The following ATP5PB variants were observed in gnomAD, a reference collection of about 807,000 sequenced individuals.
The protein encoded by ATP5PB is ATP synthase peripheral stalk-membrane subunit b, also known as ATP synthase peripheral stalk subunit b, mitochondrial.
A neutral mutation model predicts 34.5 loss-of-function variants in ATP5PB; 21 were observed. The observed-to-expected ratio is 0.61, with a 90% CI of 0.43 to 0.88. The LOEUF (loss-of-function observed/expected upper bound fraction) is 0.88, where lower values mean the gene tolerates loss of function less well. Among genes scored for constraint, ATP5PB ranks in the 40% least tolerant of loss-of-function variants. ATP5PB has a pLI of 0.00. For synonymous variants in ATP5PB, 108 were observed against 114.1 expected (o/e 0.95, Z 0.34); for missense variants, 293 against 317.4 (o/e 0.92, Z 0.58).
chr1:111,459,362 A>T, intron 5 of ATP5PB, 95 bp from the exon 6 acceptor site: 2 of 1,213,602 alleles, frequency 1.6e-6, no homozygotes, highest in African/African-American at 1.5e-5. Context: ...CGTAAAATAC[A>T]AAAGAAGTGG....
rs1195433155 is a variant in ATP5PB, at chr1:111,459,638, T to C, written c.693+2T>C. 1.2e-6 allele frequency: 2 copies of C among 1,613,198 alleles called. No individual in the cohort carries two copies. Among genetic ancestry groups the C allele is most frequent in the Non-Finnish European group, 1.7e-6 (2 of 1,179,424 alleles). Reference sequence around the variant, plus strand: ...GTGCAAAGCATCTCCACACAGCAGGTACACAACATTTTTGTAGGTTCTGAT... The same window carrying C: ...GTGCAAAGCATCTCCACACAGCAGGCACACAACATTTTTGTAGGTTCTGAT... On this transcript the variant is annotated splice_donor_variant, in intron 6 of 6. Coordinates refer to ENST00000369722, the MANE Select transcript of ATP5PB (RefSeq NM_001688.5). LOFTEE classifies it high-confidence loss of function.
intron 5 of ATP5PB, among the ~76,000 whole-genome samples, chr1:111,457,841 A>G (rs141769756): frequency 1.3e-5 from 2 of 152,206 alleles, no homozygotes; most frequent in East Asian, 3.9e-4. Flanking sequence ...TTCCATGTAT[A>G]TTTAGGTTAC....
chr1:111,458,748 G>C (rs1023007945), intron 5 of ATP5PB, among the ~76,000 whole-genome samples: 6 of 152,134 alleles, frequency 3.9e-5, no homozygotes, highest in African/African-American at 1.4e-4. Context: ...CTATGGGTTA[G>C]CCAAGTAGAG....
chr1:111,455,124 C>G (rs1201686284), intron 3 of ATP5PB, among the ~76,000 whole-genome samples: 2 of 151,976 alleles, frequency 1.3e-5, no homozygotes, highest in Non-Finnish European at 2.9e-5. Context: ...CCAAGTATTG[C>G]TATGACTGGA....
At chr1:111,457,147 A>G (rs1653495323) in intron 5 of ATP5PB, among the ~76,000 whole-genome samples, 1 of 152,154 alleles carries the variant, frequency 6.6e-6, no homozygotes, top group Non-Finnish European at 1.5e-5. Flanking sequence ...GATACTGTAC[A>G]TTCTAAATCC....
intron 6 of ATP5PB, 135 bp from the exon 7 acceptor site, chr1:111,460,782 C>A: frequency 1.6e-6 from 1 of 611,630 alleles, no homozygotes; most frequent in Non-Finnish European, 2.9e-6. Flanking sequence ...TGTCTAGTAG[C>A]TGTATAGTGT....
intron 5 of ATP5PB, among the ~76,000 whole-genome samples, chr1:111,458,492 T>C (rs1325400821): frequency 6.6e-6 from 1 of 152,154 alleles, no homozygotes. Flanking sequence ...CAGTTGCAAA[T>C]GCCCTAAACC....
chr1:111,454,786 G>C (rs1240478206), intron 3 of ATP5PB, among the ~76,000 whole-genome samples: 1 of 152,132 alleles, frequency 6.6e-6, no homozygotes, highest in African/African-American at 2.4e-5. Flanking sequence ...CAATTGATTT[G>C]ATTGCTCCAA....
intron 3 of ATP5PB, among the ~76,000 whole-genome samples, chr1:111,455,367 T>C (rs570659533): frequency 8.5e-5 from 13 of 152,348 alleles, no homozygotes; most frequent in African/African-American, 3.1e-4. Context: ...TTTGAGTTTG[T>C]AACCCTGTTG....
At chr1:111,460,308 T>G (rs1423278906) in intron 6 of ATP5PB, among the ~76,000 whole-genome samples, 1 of 152,236 alleles carries the variant, frequency 6.6e-6, no homozygotes, top group Non-Finnish European at 1.5e-5. Context: ...GAATTAATTT[T>G]TTTTCATTTA....
intron 3 of ATP5PB, among the ~76,000 whole-genome samples, 162 bp downstream of exon 3, chr1:111,454,518 A>C (rs1653416276): frequency 6.6e-6 from 1 of 152,028 alleles, no homozygotes; most frequent in East Asian, 1.9e-4. Context: ...GTGATAGATC[A>C]CAGCTCACTG....
chr1:111,457,556 T>C (rs2101759309), intron 5 of ATP5PB, among the ~76,000 whole-genome samples: 1 of 152,286 alleles, frequency 6.6e-6, no homozygotes, highest in Admixed American at 6.5e-5. Flanking sequence ...AATGAGATGC[T>C]AAGGTAGAGT....
chr1:111,449,743 G>T (rs1440016173), intron 1 of ATP5PB, 94 bp from the exon 2 acceptor site: 7 of 1,588,584 alleles, frequency 4.4e-6, no homozygotes, highest in South Asian at 1.1e-5. Flanking sequence ...GGAAAGAGGG[G>T]TACATAGGCT....
rs1255770276 is a variant in ATP5PB, at chr1:111,461,410, A to G, written c.*416A>G. 1.1e-5 allele frequency: 2 copies of G among 177,208 alleles called. No homozygotes were observed. The highest frequency in any genetic ancestry group is 2.4e-5 in the Non-Finnish European group (2 of 82,582). The allele number at this position is 177,208 out of a possible 1,614,324, so 11.0% of individuals were successfully genotyped here. On this transcript the variant is annotated 3_prime_UTR_variant, in exon 7 of 7. Transcript: ENST00000369722. Reference sequence around the variant, plus strand: ...TAAAAATTAAAGATGTCATTGAACTACTGTCTTGTTTATGAGACCATTCAG... The same window carrying G: ...TAAAAATTAAAGATGTCATTGAACTGCTGTCTTGTTTATGAGACCATTCAG...
At chr1:111,449,621 T>A (rs754652943) in intron 1 of ATP5PB, 40 bp downstream of exon 1, 9 of 1,569,462 alleles carry the variant, frequency 5.7e-6, no homozygotes, top group Non-Finnish European at 8.6e-7. Context: ...TCAGAGTGAT[T>A]GGAAAGAAGC....
intron 2 of ATP5PB, among the ~76,000 whole-genome samples, chr1:111,452,060 G>A (rs574720595): frequency 9.9e-5 from 15 of 151,688 alleles, no homozygotes; most frequent in African/African-American, 2.9e-4. Flanking sequence ...TGGAGGCTGC[G>A]AGTGAGCAGT....
intron 1 of ATP5PB, 74 bp from the exon 2 acceptor site, chr1:111,449,763 A>AGCCTGGC (rs1321944074): frequency 1.9e-6 from 3 of 1,607,292 alleles, no homozygotes; most frequent in Non-Finnish European, 2.6e-6. Flanking sequence ...TTAGTGATAG[A>AGCCTGGC]GCCTGGCGGG....
intron 2 of ATP5PB, among the ~76,000 whole-genome samples, chr1:111,453,074 A>G (rs1653377333): frequency 6.6e-6 from 1 of 152,210 alleles, no homozygotes; most frequent in African/African-American, 2.4e-5. Flanking sequence ...TTATATTACA[A>G]GGAGATAGAA....
At chr1:111,458,946 A>C (rs1235896910) in intron 5 of ATP5PB, among the ~76,000 whole-genome samples, 1 of 152,166 alleles carries the variant, frequency 6.6e-6, no homozygotes, top group Non-Finnish European at 1.5e-5. Flanking sequence ...TAAACACAAG[A>C]GTGTTTAGAG....
Sources: allele counts gnomAD v4.1 joint callset (sites outside exome capture counted in the v4.1 genomes callset), GRCh38; gene constraint gnomAD v4.1.1; transcripts MANE v1.5; gene names NCBI Gene and HGNC (gene_info 2026-07-23, HGNC 2026-07-21).